The following DAGLB variants were observed in gnomAD, a reference collection of about 807,000 sequenced individuals.
DAGLB encodes the protein diacylglycerol lipase beta, also known as diacylglycerol lipase-beta.
Under a neutral mutation model 72.1 loss-of-function variants are expected in DAGLB, and 66 were observed. The observed-to-expected ratio is 0.92, with a 90% CI of 0.75 to 1.12. The LOEUF is 1.12. Among genes scored for constraint, DAGLB ranks in the 50% most tolerant of loss-of-function variants. The pLI is 0.00. For missense variants in DAGLB, 1,065 were observed against 884.9 expected, an observed-to-expected ratio of 1.20 and a Z score of -2.58; for synonymous variants, 414 against 359.5, an observed-to-expected ratio of 1.15 and a Z score of -1.71.
chr7:6,424,673 GGATTT>G, intron 8 of DAGLB, 74 bp downstream of exon 8: 1 of 1,385,662 alleles, frequency 7.2e-7, no homozygotes, highest in Non-Finnish European at 1.0e-6. Context: ...GGTTACTGAC[GGATTT>G]CCCCAGCCGA....
At chr7:6,426,953 C>T (rs1189174577) in intron 6 of DAGLB, among the ~76,000 whole-genome samples, 1 of 152,054 alleles carries the variant, frequency 6.6e-6, no homozygotes, top group Non-Finnish European at 1.5e-5. Flanking sequence ...ACTAAAAATA[C>T]AAAACTCAGC....
chr7:6,424,875 A>G (rs1464938805), intron 7 of DAGLB, 40 bp from the exon 8 acceptor site: 2 of 1,600,150 alleles, frequency 1.2e-6, no homozygotes, highest in Non-Finnish European at 1.7e-6. Flanking sequence ...TAAACAGTGA[A>G]CACACGCACC....
In DAGLB at chr7:6,421,781, C is replaced by A; in HGVS notation, c.1164G>T (p.Ala388=). 1.2e-6 allele frequency: 2 copies of A among 1,613,266 alleles called. No individual in the cohort carries two copies. Among genetic ancestry groups the A allele is most frequent in the Non-Finnish European group, 8.5e-7 (1 of 1,179,640 alleles). The part of the protein sequence containing the change: ...SLQDVLTDLS[A]ESEVLDVECE... The stretch of plus-strand genomic sequence containing the variant: ...ACTCCACGTCCAGCACCTCACTCTC[C>A]GCTGACAGGTCCGTAAGGACATCCT... Residue 388 remains alanine (A), a synonymous_variant, in exon 9 of 15, where the codon GCG becomes GCT. Transcript: ENST00000297056.
intron 6 of DAGLB, among the ~76,000 whole-genome samples, chr7:6,429,476 T>C (rs1330608048): frequency 6.6e-6 from 1 of 151,568 alleles, no homozygotes; most frequent in Non-Finnish European, 1.5e-5. Flanking sequence ...AGGGTATTAC[T>C]GGGGCTGGGC....
chr7:6,430,551 T>A lies in DAGLB; in HGVS notation c.858A>T (p.Ala286=), dbSNP rs1410334275. Residue 286 remains alanine, a synonymous_variant, in exon 6 of 15, where the codon GCA becomes GCT. Coordinates refer to ENST00000297056, the MANE Select transcript of DAGLB (RefSeq NM_139179.4). ...ENCHHYMQFA[A]AAYGWPLYIY... ...TGTAGAGGGGCCACCCATAGGCCGCTGCTGCAAACTGCATGTAATGATGGC... is the reference window on the plus strand; with the variant it reads ...TGTAGAGGGGCCACCCATAGGCCGCAGCTGCAAACTGCATGTAATGATGGC... The A allele has an allele frequency of 1.2e-6, 2 of 1,604,062 alleles. No individual in the cohort carries two copies. The highest frequency in any genetic ancestry group is 1.7e-6 in the Non-Finnish European group (2 of 1,173,372).
rs200368991 is a variant in DAGLB, at chr7:6,432,897, G to T, written c.741C>A (p.Asp247Glu). Reference sequence around the variant, plus strand: ...CAGGCTCTTGGTTGTTCCTGATATTGTCCTGTTGCTGATGAAGCAGGGCGA... The same window carrying T: ...CAGGCTCTTGGTTGTTCCTGATATTTTCCTGTTGCTGATGAAGCAGGGCGA... Reference protein sequence around the residue: ...AGLALLHQQQDNIRNNQEPAQ... With the variant: ...AGLALLHQQQENIRNNQEPAQ... Residue 247 changes from aspartate (D) to glutamate (E), a missense_variant, in exon 5 of 15, where the codon GAC becomes GAA. Asp to Glu is a conservative substitution (Grantham distance 45). Transcript: ENST00000297056. 2.9e-4 allele frequency: 464 copies of T among 1,613,768 alleles called. No individual in the cohort carries two copies. The highest frequency in any genetic ancestry group is 8.3e-4 in the Middle Eastern group (5 of 6,058).
At chr7:6,410,106 C>G in intron 14 of DAGLB, 24 bp downstream of exon 14, 1 of 1,577,396 alleles carries the variant, frequency 6.3e-7, no homozygotes, top group Non-Finnish European at 8.6e-7. Context: ...TGCCTGCCCA[C>G]CACACCCACC....
chr7:6,418,576 G>A (rs973353889), intron 9 of DAGLB, among the ~76,000 whole-genome samples: 1 of 152,174 alleles, frequency 6.6e-6, no homozygotes, highest in Admixed American at 6.5e-5. Context: ...GTCCCGTGCA[G>A]CTTCGATTCT....
chr7:6,419,536 G>A (rs1411961552), intron 9 of DAGLB, among the ~76,000 whole-genome samples: 1 of 152,224 alleles, frequency 6.6e-6, no homozygotes, highest in East Asian at 1.9e-4. Context: ...GACAGCGTCA[G>A]AGCCAAACTC....
At chr7:6,432,639 G>A (rs1392196560) in intron 5 of DAGLB, among the ~76,000 whole-genome samples, 198 bp downstream of exon 5, 14 of 131,008 alleles carry the variant, frequency 1.1e-4, no homozygotes, top group South Asian at 2.7e-4. Flanking sequence ...CAGCCTGGGC[G>A]ACAGAGCGAG....
chr7:6,432,105 C>T (rs952641335), intron 5 of DAGLB, among the ~76,000 whole-genome samples: 1 of 152,062 alleles, frequency 6.6e-6, no homozygotes, highest in Non-Finnish European at 1.5e-5. Context: ...AATCCCAGCA[C>T]TCTGGGAAGC....
intron 11 of DAGLB, among the ~76,000 whole-genome samples, chr7:6,414,141 G>C (rs1562478217): frequency 6.6e-6 from 1 of 151,934 alleles, no homozygotes; most frequent in Non-Finnish European, 1.5e-5. Context: ...CTCCCAAGCA[G>C]CTGGGACTAC....
At chr7:6,442,764 C>G (rs1307028870) in intron 2 of DAGLB, among the ~76,000 whole-genome samples, 2 of 152,156 alleles carry the variant, frequency 1.3e-5, no homozygotes, top group Non-Finnish European at 2.9e-5. Context: ...CTAAAATACA[C>G]AGAGCTAGCT....
At position 6,416,926 on chromosome 7, in the gene DAGLB, A is replaced by G. The variant is rs752548819; in HGVS notation, c.1219-5T>C. On this transcript the variant is annotated splice_region_variant and splice_polypyrimidine_tract_variant and intron_variant, in intron 9 of 14. Transcript: ENST00000297056. ...TCTGGCAGCTTGAGAAATACCCTAAAAACACAGACAAAGAAGGTGGCCGTT... is the reference window on the plus strand; with the variant it reads ...TCTGGCAGCTTGAGAAATACCCTAAGAACACAGACAAAGAAGGTGGCCGTT... The G allele has an allele frequency of 3.7e-6, 6 of 1,614,106 alleles. No homozygotes were observed. The highest frequency in any genetic ancestry group is 3.3e-5 in the South Asian group (3 of 91,082).
rs1186294721 is a variant in DAGLB, at chr7:6,436,439, C to G, written c.342G>C (p.Leu114=). ...LFFPEMVWAS[L]GAAWVADGVQ... is the part of the protein sequence containing the mutation. ...CACCATCTGCCACCCAGGCAGCCCC[C>G]AGAGAGGCCCAGACCATCTCTGGAA... The change falls in exon 3 of 15, where the codon CTG becomes CTC. Residue 114 remains leucine (L), a synonymous_variant. Coordinates refer to ENST00000297056, the MANE Select transcript of DAGLB (RefSeq NM_139179.4). The G allele has an allele frequency of 1.2e-6, 2 of 1,614,044 alleles. No individual in the cohort carries two copies. The highest frequency in any genetic ancestry group is 1.7e-6 in the Non-Finnish European group (2 of 1,180,038).
At chr7:6,421,896 AGG>A (rs1562481616) in intron 8 of DAGLB, 92 bp from the exon 9 acceptor site, 1 of 1,387,824 alleles carries the variant, frequency 7.2e-7, no homozygotes. Context: ...ACTTCTGTGG[AGG>A]ATGGCGGGGA....
chr7:6,420,055 GAAGATCACTTGAA>G (rs1416218704), intron 9 of DAGLB, among the ~76,000 whole-genome samples: 2 of 152,200 alleles, frequency 1.3e-5, no homozygotes, highest in East Asian at 3.9e-4. Flanking sequence ...GCTGAGGTGG[GAAGATCACTTGAA>G]CCTGGGAGAT....
chr7:6,424,217 G>T (rs1298811040), intron 8 of DAGLB, among the ~76,000 whole-genome samples: 1 of 152,204 alleles, frequency 6.6e-6, no homozygotes, highest in African/African-American at 2.4e-5. Context: ...TCTCCAAGGG[G>T]CCCAGGAGTA....
Position 6,436,416 on chromosome 7 carries a change from C to A in DAGLB, c.365G>T (p.Gly122Val). ...TACAACTGTCCTGTCGCACTGAACACCATCTGCCACCCAGGCAGCCCCCAG... is the reference window on the plus strand; with the variant it reads ...TACAACTGTCCTGTCGCACTGAACAACATCTGCCACCCAGGCAGCCCCCAG... ...ASLGAAWVAD[G>V]VQCDRTVVNG... The change falls in exon 3 of 15, where the codon GGT (glycine) becomes GTT (valine). Residue 122 changes from glycine to valine, a missense_variant. By Grantham distance (109) the Gly-to-Val change is moderately radical (BLOSUM62 -3). Coordinates refer to ENST00000297056, the MANE Select transcript of DAGLB (RefSeq NM_139179.4). 1 of 1,614,140 alleles carries A rather than the reference C, an allele frequency of 6.2e-7. No homozygotes were observed. Among genetic ancestry groups the A allele is most frequent in the Non-Finnish European group, 8.5e-7 (1 of 1,180,032 alleles).
Sources: gnomAD v4.1 joint callset for allele counts (sites outside exome capture counted in the v4.1 genomes callset) on GRCh38, gnomAD v4.1.1 for gene constraint, MANE v1.5 for transcripts, NCBI Gene and HGNC (gene_info 2026-07-23, HGNC 2026-07-21) for gene names.